The following SDHAF3 variants were observed in gnomAD, a reference collection of about 807,000 sequenced individuals.
The protein encoded by SDHAF3 is succinate dehydrogenase assembly factor 3, mitochondrial.
SDHAF3 carries 18 observed loss-of-function variants against 11.5 expected under a neutral mutation model. The ratio of observed to expected loss-of-function variants is 1.56; its 90% CI spans 1.08 to 2.32. The LOEUF (loss-of-function observed/expected upper bound fraction) is 2.32, where lower values mean the gene tolerates loss of function less well. Among genes scored for constraint, SDHAF3 ranks in the 30% most tolerant of loss-of-function variants. The probability of loss-of-function intolerance (pLI) is 0.00; values close to 1 mark genes in which losing one functional copy is unlikely to be tolerated. For synonymous variants in SDHAF3, 72 were observed against 59.3 expected (o/e 1.21, Z -0.99); for missense variants, 200 against 154.4 (o/e 1.30, Z -1.57).
intron 1 of SDHAF3, among the ~76,000 whole-genome samples, chr7:97,119,346 G>A (rs1443978360): frequency 2.0e-5 from 3 of 152,120 alleles, no homozygotes; most frequent in African/African-American, 7.2e-5. Context: ...GGAAAGAGTA[G>A]CAACTCAGAA....
intron 1 of SDHAF3, among the ~76,000 whole-genome samples, chr7:97,132,594 A>G (rs1285401772): frequency 6.6e-6 from 1 of 152,232 alleles, no homozygotes; most frequent in Non-Finnish European, 1.5e-5. Flanking sequence ...TTTGATAAAA[A>G]TTAAGTTACC....
At chr7:97,141,381 A>C (rs1789037817) in intron 1 of SDHAF3, among the ~76,000 whole-genome samples, 1 of 152,138 alleles carries the variant, frequency 6.6e-6, no homozygotes, top group African/African-American at 2.4e-5. Context: ...GAAAATCACT[A>C]ATAAAAACTT....
intron 1 of SDHAF3, among the ~76,000 whole-genome samples, chr7:97,171,853 TAAACAA>T (rs1279080950): frequency 6.6e-6 from 1 of 152,094 alleles, no homozygotes; most frequent in Non-Finnish European, 1.5e-5. Flanking sequence ...GATATGTGAT[TAAACAA>T]AATAATGAGA....
intron 1 of SDHAF3, among the ~76,000 whole-genome samples, chr7:97,156,936 A>T (rs1327015702): frequency 6.6e-6 from 1 of 152,076 alleles, no homozygotes; most frequent in Non-Finnish European, 1.5e-5. Context: ...CTCGTCATTT[A>T]CATTAGGTAT....
chr7:97,153,777 G>A (rs974718740), intron 1 of SDHAF3, among the ~76,000 whole-genome samples: 2 of 152,118 alleles, frequency 1.3e-5, no homozygotes, highest in African/African-American at 4.8e-5. Context: ...CAGCGTTTTA[G>A]TGACCGTTTT....
chr7:97,146,028 T>C (rs1789128590), intron 1 of SDHAF3, among the ~76,000 whole-genome samples: 1 of 152,128 alleles, frequency 6.6e-6, no homozygotes, highest in Non-Finnish European at 1.5e-5. Context: ...AGCAGATTAA[T>C]TGTGAAATTA....
At chr7:97,135,171 A>G (rs1182849692) in intron 1 of SDHAF3, 5 of 150,836 alleles carry the variant, frequency 3.3e-5, no homozygotes, top group Non-Finnish European at 7.4e-5. Flanking sequence ...TTACCCCCTT[A>G]TTATTGTAAG....
intron 1 of SDHAF3, among the ~76,000 whole-genome samples, chr7:97,164,666 T>C (rs1164453969): frequency 6.6e-6 from 1 of 152,104 alleles, no homozygotes; most frequent in African/African-American, 2.4e-5. Context: ...TGAGCCAGCG[T>C]GCCTTTCCGG....
intron 1 of SDHAF3, among the ~76,000 whole-genome samples, chr7:97,131,856 G>C (rs914570357): frequency 6.6e-6 from 1 of 152,110 alleles, no homozygotes; most frequent in Non-Finnish European, 1.5e-5. Context: ...AGTAAAGTGA[G>C]AATTTTAAAT....
chr7:97,148,730 C>A (rs1212679217), intron 1 of SDHAF3, among the ~76,000 whole-genome samples: 1 of 152,028 alleles, frequency 6.6e-6, no homozygotes, highest in African/African-American at 2.4e-5. Flanking sequence ...ACAACTATTG[C>A]TTTACTTTTT....
Position 97,166,686 on chromosome 7 carries a change from A to G in SDHAF3, c.175-14326A>G, listed in dbSNP as rs568114251. ...ACCACCCTTTCCCATCATGGCCTGA[A>G]CTAATATTTCAGGTTTACTTTAGAA... On this transcript the variant is annotated intron_variant, in intron 1 of 1. Transcript: ENST00000432641. 6.6e-5 allele frequency among the ~76,000 whole-genome samples: 10 copies of G among 152,214 alleles called. 1 individual carries two copies. The East Asian group carries it at 1.4e-3, about 21-fold the overall frequency.
chr7:97,117,910 C>G lies in SDHAF3; in HGVS notation c.174+13C>G. Reference sequence around the variant, plus strand: ...GCAAGAATGGGAGGCAAGTGACGCTCCCTTCTCTTTGCCCAAGACCTTTGG... The same window carrying G: ...GCAAGAATGGGAGGCAAGTGACGCTGCCTTCTCTTTGCCCAAGACCTTTGG... On this transcript the variant is annotated intron_variant, in intron 1 of 1. Coordinates refer to ENST00000432641, the MANE Select transcript of SDHAF3 (RefSeq NM_020186.3). 3 of 1,613,006 alleles carry G rather than the reference C, an allele frequency of 1.9e-6. No homozygotes were observed. The highest frequency in any genetic ancestry group is 2.2e-5 in the South Asian group (2 of 90,926).
rs771116777 is a variant in SDHAF3 at position 97,175,068 on chromosome 7, CAT to C, written c.175-5943_175-5942del. ...GGTAATATGTACTAATATCAGAAGA[CAT>C]GTAATATCTGGTTGTTTCTCTATGT... On this transcript the variant is annotated intron_variant, in intron 1 of 1. Transcript: ENST00000432641. 2.0e-5 allele frequency among the ~76,000 whole-genome samples: 3 copies of C among 152,186 alleles called. No homozygotes were observed. In the East Asian group the frequency reaches 5.8e-4, roughly 29 times the overall value.
intron 1 of SDHAF3, among the ~76,000 whole-genome samples, chr7:97,126,243 T>A (rs1470888648): frequency 6.6e-6 from 1 of 152,194 alleles, no homozygotes; most frequent in East Asian, 1.9e-4. Context: ...TCAACCCCTG[T>A]TGGGAGGTCT....
intron 1 of SDHAF3, among the ~76,000 whole-genome samples, chr7:97,161,868 A>G (rs1453116529): frequency 6.6e-6 from 1 of 152,148 alleles, no homozygotes; most frequent in Admixed American, 6.5e-5. Context: ...AAGTCTTGCT[A>G]TTGTGAATAG....
rs371886442 is a variant in SDHAF3 at position 97,181,262 on chromosome 7, A to G, written c.*47A>G. The G allele has an allele frequency of 5.1e-6, 7 of 1,372,496 alleles. No homozygotes were observed. Among genetic ancestry groups the G allele is most frequent in the Non-Finnish European group, 1.0e-6 (1 of 996,576 alleles). The allele number at this position is 1,372,496 out of a possible 1,614,324, so 85.0% of individuals were successfully genotyped here. On this transcript the variant is annotated 3_prime_UTR_variant, in exon 2 of 2. Coordinates refer to ENST00000432641, the MANE Select transcript of SDHAF3 (RefSeq NM_020186.3). The stretch of plus-strand genomic sequence containing the variant: ...AGACATGCAAAAATTTAGAACCCCT[A>G]CTTTAACTGTCATTGGTTTTTGAAA...
intron 1 of SDHAF3, among the ~76,000 whole-genome samples, chr7:97,120,410 C>G (rs1337469976): frequency 6.6e-6 from 1 of 152,020 alleles, no homozygotes; most frequent in African/African-American, 2.4e-5. Flanking sequence ...AGAGAAGATG[C>G]TAATGATTGG....
At chr7:97,159,165 C>T (rs933381508) in intron 1 of SDHAF3, among the ~76,000 whole-genome samples, 1 of 152,138 alleles carries the variant, frequency 6.6e-6, no homozygotes, top group Admixed American at 6.5e-5. Context: ...ATTCCAAAGT[C>T]TTAGTGGCTT....
chr7:97,128,136 G>A (rs1296071023), intron 1 of SDHAF3, among the ~76,000 whole-genome samples: 1 of 152,022 alleles, frequency 6.6e-6, no homozygotes, highest in African/African-American at 2.4e-5. Context: ...GACACCAAGT[G>A]ATCCACTTGC....
Sources: gnomAD v4.1 joint callset for allele counts (sites outside exome capture counted in the v4.1 genomes callset) on GRCh38, gnomAD v4.1.1 for gene constraint, MANE v1.5 for transcripts, NCBI Gene and HGNC (gene_info 2026-07-23, HGNC 2026-07-21) for gene names.